The following ASTN2 variants were observed in gnomAD, a reference collection of about 807,000 sequenced individuals.
ASTN2 encodes astrotactin-2.
A neutral mutation model predicts 139.8 loss-of-function variants in ASTN2; 54 were observed. The observed-to-expected ratio is 0.39, with a 90% CI of 0.31 to 0.48. The LOEUF (loss-of-function observed/expected upper bound fraction) is 0.48, where lower values mean the gene tolerates loss of function less well. Among genes scored for constraint, ASTN2 ranks in the 20% least tolerant of loss-of-function variants. The probability of loss-of-function intolerance (pLI) is 0.95; values close to 1 mark genes in which losing one functional copy is unlikely to be tolerated. For missense variants in ASTN2, 1,565 were observed against 1,725.1 expected, an observed-to-expected ratio of 0.91 and a Z score of 1.64; for synonymous variants, 756 against 719.5, an observed-to-expected ratio of 1.05 and a Z score of -0.81.
chr9:117,164,160 A>G (rs1474082866), intron 3 of ASTN2, among the ~76,000 whole-genome samples: 1 of 152,112 alleles, frequency 6.6e-6, no homozygotes, highest in East Asian at 1.9e-4. Context: ...CAGTTTTAGA[A>G]GCATCCACTT....
chr9:116,552,224 T>A (rs1852384506), intron 19 of ASTN2: 1 of 152,190 alleles, frequency 6.6e-6, no homozygotes. Flanking sequence ...GTTTTTTTAG[T>A]TAACTTCCTT....
At chr9:117,132,748 AG>A (rs755955686) in intron 4 of ASTN2, among the ~76,000 whole-genome samples, 14 of 152,122 alleles carry the variant, frequency 9.2e-5, no homozygotes, top group Non-Finnish European at 1.6e-4. Context: ...TGCACCTCTT[AG>A]AAGAGACCTG....
chr9:117,073,015 G>A (rs1828177064), intron 5 of ASTN2, among the ~76,000 whole-genome samples: 1 of 152,074 alleles, frequency 6.6e-6, no homozygotes, highest in Non-Finnish European at 1.5e-5. Flanking sequence ...GAGAAAAGGA[G>A]GGATGGAGAA....
At chr9:117,314,955 T>C (rs1311723940) in intron 1 of ASTN2, among the ~76,000 whole-genome samples, 1 of 73,538 alleles carries the variant, frequency 1.4e-5, no homozygotes. Flanking sequence ...AATATACACA[T>C]AACATAATAT....
intron 10 of ASTN2, among the ~76,000 whole-genome samples, chr9:116,943,145 C>T (rs894795679): frequency 6.6e-6 from 1 of 152,128 alleles, no homozygotes; most frequent in Non-Finnish European, 1.5e-5. Context: ...TTCTAAACAT[C>T]AAGGAGCTCA....
intron 5 of ASTN2, among the ~76,000 whole-genome samples, chr9:117,048,411 A>G (rs1838806577): frequency 6.6e-6 from 1 of 152,238 alleles, no homozygotes; most frequent in Non-Finnish European, 1.5e-5. Flanking sequence ...ACTTGGAGCC[A>G]AATGATTATT....
chr9:117,262,413 A>ATTTTT (rs201046437), intron 2 of ASTN2, among the ~76,000 whole-genome samples: 1 of 117,362 alleles, frequency 8.5e-6, no homozygotes, highest in South Asian at 2.6e-4. Flanking sequence ...TTATTTATTT[A>ATTTTT]TTTATTTTTT....
intron 2 of ASTN2, among the ~76,000 whole-genome samples, chr9:117,245,208 C>A (rs902587506): frequency 1.3e-5 from 2 of 152,164 alleles, no homozygotes; most frequent in African/African-American, 4.8e-5. Flanking sequence ...CGAATGCATC[C>A]ATTTCAATTA....
intron 22 of ASTN2, among the ~76,000 whole-genome samples, chr9:116,429,777 C>T (rs187724829): frequency 9.9e-5 from 15 of 152,168 alleles, no homozygotes; most frequent in Admixed American, 5.2e-4. Flanking sequence ...TTCTCTAATT[C>T]GGGGGCAGAG....
At chr9:116,932,163 G>A (rs1369310454) in intron 10 of ASTN2, among the ~76,000 whole-genome samples, 2 of 152,266 alleles carry the variant, frequency 1.3e-5, no homozygotes, top group African/African-American at 4.8e-5. Context: ...GGATGCAGGT[G>A]CTTTCTGAAG....
At position 116,698,433 on chromosome 9, in the gene ASTN2, G is replaced by A. The variant is rs1860994130; in HGVS notation, c.2806+27338C>T. 6.2e-6 allele frequency: 10 copies of A among 1,613,902 alleles called. No homozygotes were observed. Among genetic ancestry groups the A allele is most frequent in the African/African-American group, 1.3e-5 (1 of 74,906 alleles). On this transcript the variant is annotated intron_variant, in intron 16 of 22. Coordinates refer to ENST00000313400, the MANE Select transcript of ASTN2 (RefSeq NM_001365068.1). This position sits in a 1 kb window ranked among gnomAD's most constrained non-coding sequence, Gnocchi z 4.4. ...GGAGCAGAGTTACCTGCTTAACATT[G>A]CAGAGGTGCAGGCTGTGTCTCGCTG...
At chr9:117,325,463 T>G (rs1047901350) in intron 1 of ASTN2, among the ~76,000 whole-genome samples, 1 of 152,084 alleles carries the variant, frequency 6.6e-6, no homozygotes, top group East Asian at 1.9e-4. Flanking sequence ...CTGAGATTGA[T>G]CTCATAACAA....
chr9:117,005,981 G>C (rs1346011381), intron 7 of ASTN2, among the ~76,000 whole-genome samples: 1 of 152,142 alleles, frequency 6.6e-6, no homozygotes, highest in Non-Finnish European at 1.5e-5. Context: ...CAGACTGATG[G>C]TCAGGCAGGC....
chr9:116,710,096 C>A (rs897190771), intron 16 of ASTN2, among the ~76,000 whole-genome samples: 7 of 152,276 alleles, frequency 4.6e-5, no homozygotes, highest in Non-Finnish European at 8.8e-5. Flanking sequence ...CCTAGGTAGG[C>A]CTACCTTTGG....
chr9:116,748,972 C>T (rs1221073954), intron 13 of ASTN2, among the ~76,000 whole-genome samples: 1 of 152,192 alleles, frequency 6.6e-6, no homozygotes, highest in African/African-American at 2.4e-5. Flanking sequence ...TATGTCTTCT[C>T]TCTCACCTTT....
intron 3 of ASTN2, among the ~76,000 whole-genome samples, chr9:117,164,337 C>T (rs1035301583): frequency 6.6e-6 from 1 of 152,048 alleles, no homozygotes; most frequent in African/African-American, 2.4e-5. Flanking sequence ...AACCCTTTGG[C>T]CCTGTATAGC....
Position 117,032,229 on chromosome 9 carries a change from A to G in ASTN2, c.1423+7590T>C, listed in dbSNP as rs7868815. On this transcript the variant is annotated intron_variant, in intron 6 of 22. Transcript: ENST00000313400. ...GAGCAAACTAAGTTATGCCTTAGAG[A>G]TGGGTGAGACTGCCATATATGGAAA... Among the ~76,000 whole-genome samples, 257 of 152,276 alleles carry G rather than the reference A, an allele frequency of 1.7e-3. 1 individual carries two copies. Among genetic ancestry groups the G allele is most frequent in the African/African-American group, 6.0e-3 (249 of 41,564 alleles).
At chr9:116,988,159 T>A (rs1180514169) in intron 7 of ASTN2, among the ~76,000 whole-genome samples, 1 of 152,192 alleles carries the variant, frequency 6.6e-6, no homozygotes, top group Admixed American at 6.5e-5. Flanking sequence ...GTTGTTAGGG[T>A]GGTGAGAGAC....
At chr9:116,720,354 A>T (rs996516724) in intron 16 of ASTN2, among the ~76,000 whole-genome samples, 1 of 152,248 alleles carries the variant, frequency 6.6e-6, no homozygotes, top group Admixed American at 6.5e-5. Context: ...GACTCTCCCA[A>T]TCTAAACTCA....
Sources: allele counts gnomAD v4.1 joint callset (sites outside exome capture counted in the v4.1 genomes callset), GRCh38; gene constraint gnomAD v4.1.1; non-coding constraint Gnocchi (gnomAD v3.1); transcripts MANE v1.5; gene names NCBI Gene and HGNC (gene_info 2026-07-23, HGNC 2026-07-21).